STIM1: variants seen among roughly 807,000 people sequenced by gnomAD.
STIM1 encodes stromal interaction molecule 1.
STIM1 carries 25 observed loss-of-function variants against 74.7 expected under a neutral mutation model. The ratio of observed to expected loss-of-function variants is 0.33; its 90% confidence interval spans 0.24 to 0.47. The LOEUF is 0.47. STIM1 is among the 20% of genes least tolerant of loss of function. The pLI is 1.00. For synonymous variants in STIM1, 328 were observed against 348.8 expected, an observed-to-expected ratio of 0.94 and a Z score of 0.66; for missense variants, 728 against 920.8, an observed-to-expected ratio of 0.79 and a Z score of 2.71.
At chr11:4,040,496 GTCT>G (rs1401194006) in intron 3 of STIM1, among the ~76,000 whole-genome samples, 1 of 152,168 alleles carries the variant, frequency 6.6e-6, no homozygotes, top group Non-Finnish European at 1.5e-5. Flanking sequence ...TAAGTTAGGT[GTCT>G]TCTTCTGTGT....
At chr11:3,916,784 C>T (rs544822671) in intron 1 of STIM1, among the ~76,000 whole-genome samples, 5 of 152,118 alleles carry the variant, frequency 3.3e-5, no homozygotes, top group East Asian at 1.9e-4. Context: ...GACGGGGTTT[C>T]GCCATGTTGG....
chr11:4,088,667 T>A, intron 12 of STIM1: 1 of 1,534,116 alleles, frequency 6.5e-7, no homozygotes, highest in Non-Finnish European at 8.7e-7. Flanking sequence ...ACCTGGCCTG[T>A]TCACTACTTA....
At chr11:3,872,802 T>G (rs909739954) in intron 1 of STIM1, among the ~76,000 whole-genome samples, 1 of 152,178 alleles carries the variant, frequency 6.6e-6, no homozygotes, top group Non-Finnish European at 1.5e-5. Flanking sequence ...ATTACAGGCG[T>G]GAGCCACCGT....
At position 4,047,056 on chromosome 11, in the gene STIM1, T is replaced by C. The variant is rs537018206; in HGVS notation, c.386-8470T>C. Among the ~76,000 whole-genome samples the C allele has an allele frequency of 7.4e-4, 113 of 152,360 alleles. 1 individual carries two copies. The highest frequency in any genetic ancestry group is 2.7e-3 in the African/African-American group (111 of 41,582). The stretch of plus-strand genomic sequence containing the variant: ...TTGTTGTTTTGAGGCCCACATCAAA[T>C]CATTTCTGGAACCCCTCATTTAGAG... On this transcript the variant is annotated intron_variant, in intron 3 of 12. Coordinates refer to ENST00000526596, the MANE Select transcript of STIM1 (RefSeq NM_001382567.1).
At chr11:4,081,590 T>C (rs56724828) in intron 7 of STIM1, among the ~76,000 whole-genome samples, 3,896 of 152,346 alleles carry the variant, frequency 0.026, 140 homozygotes, top group African/African-American at 0.084. Context: ...CTCTCTGACA[T>C]GAGCTCTTCA....
At chr11:3,905,994 C>T (rs2092459667) in intron 1 of STIM1, among the ~76,000 whole-genome samples, 1 of 152,114 alleles carries the variant, frequency 6.6e-6, no homozygotes, top group African/African-American at 2.4e-5. Context: ...CTTTACTTAC[C>T]AGTGGCTCTG....
At chr11:3,968,848 C>T (rs967922518) in intron 2 of STIM1, among the ~76,000 whole-genome samples, 4 of 152,190 alleles carry the variant, frequency 2.6e-5, no homozygotes, top group Non-Finnish European at 4.4e-5. Context: ...ATGCCAGTCA[C>T]AGTGTTAAGC....
At chr11:4,088,236 G>C (rs1330305660) in intron 12 of STIM1, among the ~76,000 whole-genome samples, 1 of 152,166 alleles carries the variant, frequency 6.6e-6, no homozygotes, top group Non-Finnish European at 1.5e-5. Context: ...ACAAGCTTAG[G>C]AGACCTTCAG....
At chr11:3,877,664 A>G (rs970082637) in intron 1 of STIM1, among the ~76,000 whole-genome samples, 1 of 152,132 alleles carries the variant, frequency 6.6e-6, no homozygotes, top group African/African-American at 2.4e-5. Context: ...ACTAGTGAAT[A>G]CCTAATTTTT....
chr11:3,959,217 ATTC>A (rs2093256856), intron 1 of STIM1, among the ~76,000 whole-genome samples: 1 of 152,108 alleles, frequency 6.6e-6, no homozygotes. Flanking sequence ...AGTGGGAGAA[ATTC>A]TTCTTACTGA....
intron 1 of STIM1, among the ~76,000 whole-genome samples, chr11:3,902,243 G>A (rs2092367483): frequency 6.6e-6 from 1 of 152,170 alleles, no homozygotes; most frequent in South Asian, 2.1e-4. Flanking sequence ...ATGAGTTACT[G>A]TAGCTTCCTG....
At chr11:4,085,347 C>G (rs7110060) in intron 11 of STIM1, among the ~76,000 whole-genome samples, 68,039 of 152,032 alleles carry the variant, frequency 0.45, 17,171 homozygotes, top group Non-Finnish European at 0.57. Context: ...ATCTATCAGG[C>G]TAGAGGAGAA....
intron 2 of STIM1, among the ~76,000 whole-genome samples, chr11:3,996,118 T>A (rs2093661403): frequency 6.6e-6 from 1 of 152,044 alleles, no homozygotes; most frequent in African/African-American, 2.4e-5. Flanking sequence ...ACAGATGAGG[T>A]CATTTCCCCT....
intron 3 of STIM1, among the ~76,000 whole-genome samples, chr11:4,024,629 G>A (rs545815494): frequency 1.3e-5 from 2 of 152,268 alleles, no homozygotes; most frequent in Non-Finnish European, 2.9e-5. Context: ...TTATCATCAC[G>A]GAGTTGAGCA....
At chr11:4,026,029 T>C (rs892480389) in intron 3 of STIM1, among the ~76,000 whole-genome samples, 3 of 152,180 alleles carry the variant, frequency 2.0e-5, no homozygotes, top group African/African-American at 7.2e-5. Context: ...CTCCCAATAA[T>C]TTGCTTCATT....
At chr11:4,088,731 C>T (rs955070868) in intron 12 of STIM1, 29 of 1,535,830 alleles carry the variant, frequency 1.9e-5, no homozygotes, top group Non-Finnish European at 2.4e-5. Flanking sequence ...AACAGGCTCT[C>T]TAGTAAGGTC....
At chr11:3,925,812 C>T (rs2092781122) in intron 1 of STIM1, among the ~76,000 whole-genome samples, 1 of 152,144 alleles carries the variant, frequency 6.6e-6, no homozygotes, top group South Asian at 2.1e-4. Flanking sequence ...ATAATAGAGG[C>T]TGTAAAATAT....
intron 1 of STIM1, among the ~76,000 whole-genome samples, chr11:3,859,425 G>A (rs1312622707): frequency 1.3e-5 from 2 of 152,160 alleles, no homozygotes. Context: ...GGCCTGATAC[G>A]GATGCTTGGA....
At chr11:4,084,839 C>T in intron 11 of STIM1, 74 bp downstream of exon 11, 1 of 1,175,304 alleles carries the variant, frequency 8.5e-7, no homozygotes, top group Non-Finnish European at 1.1e-6. Flanking sequence ...CCCCATGGGT[C>T]CCTTCTCCTG....
Sources: gnomAD v4.1 joint callset for allele counts (sites outside exome capture counted in the v4.1 genomes callset) on GRCh38, gnomAD v4.1.1 for gene constraint, MANE v1.5 for transcripts, NCBI Gene and HGNC (gene_info 2026-07-23, HGNC 2026-07-21) for gene names.